Variants in GGACT observed in about 807,000 individuals in gnomAD.
GGACT encodes gamma-glutamylamine cyclotransferase.
For synonymous variants in GGACT, 118 were observed against 115.3 expected (o/e 1.02, Z -0.15); for missense variants, 241 against 233.2 (o/e 1.03, Z -0.22).
At chr13:100,572,971 T>C (rs544646573) in intron 2 of GGACT, among the ~76,000 whole-genome samples, 11 of 152,306 alleles carry the variant, frequency 7.2e-5, no homozygotes, top group African/African-American at 2.6e-4. Flanking sequence ...ATGGCATCTT[T>C]TATTAATACC....
chr13:100,532,521 G>A lies in GGACT; in HGVS notation c.71C>T (p.Ala24Val), dbSNP rs148679908. 2.6e-6 allele frequency: 4 copies of A among 1,548,180 alleles called. No individual in the cohort carries two copies. The highest frequency in any genetic ancestry group is 2.7e-5 in the African/African-American group (2 of 72,988). The change falls in exon 3 of 3, where the codon GCC (alanine) becomes GTC (valine). Residue 24 changes from alanine to valine, a missense_variant. By Grantham distance (64) the Ala-to-Val change is moderately conservative (BLOSUM62 0). Transcript: ENST00000683975. ...CGCCCGAAAGGCTGCGGAGCCGTGGGCGCCGTCCCGCAGGACCCTGTGGTT... is the reference window on the plus strand; with the variant it reads ...CGCCCGAAAGGCTGCGGAGCCGTGGACGCCGTCCCGCAGGACCCTGTGGTT... ...QPNHRVLRDG[A>V]HGSAAFRARG...
At chr13:100,578,107 G>A (rs1341774757) in intron 2 of GGACT, among the ~76,000 whole-genome samples, 2 of 152,114 alleles carry the variant, frequency 1.3e-5, no homozygotes, top group Non-Finnish European at 2.9e-5. Flanking sequence ...CATTTGATAA[G>A]GCGATACTGG....
At chr13:100,572,672 T>A (rs544145288) in intron 2 of GGACT, among the ~76,000 whole-genome samples, 14 of 152,176 alleles carry the variant, frequency 9.2e-5, no homozygotes, top group Non-Finnish European at 1.5e-4. Context: ...CCTCAAGGTA[T>A]CCTCCTGCCT....
chr13:100,549,718 T>C (rs541824423), intron 2 of GGACT, among the ~76,000 whole-genome samples: 1 of 152,258 alleles, frequency 6.6e-6, no homozygotes, highest in South Asian at 2.1e-4. Flanking sequence ...AAAAAGATGC[T>C]AACTACCTGG....
chr13:100,556,103 A>C (rs1207530510), intron 2 of GGACT, among the ~76,000 whole-genome samples: 1 of 152,232 alleles, frequency 6.6e-6, no homozygotes, highest in Non-Finnish European at 1.5e-5. Flanking sequence ...CACTCTTCCT[A>C]CTTCTAAATC....
chr13:100,553,336 A>G (rs776463047), intron 2 of GGACT, among the ~76,000 whole-genome samples: 3 of 152,192 alleles, frequency 2.0e-5, no homozygotes, highest in Non-Finnish European at 2.9e-5. Flanking sequence ...CAAGAATGGG[A>G]ATGTGCTGGT....
chr13:100,554,036 C>T (rs1005705116), intron 2 of GGACT, among the ~76,000 whole-genome samples: 4 of 152,100 alleles, frequency 2.6e-5, no homozygotes, highest in African/African-American at 9.7e-5. Flanking sequence ...ACAAAGGAAA[C>T]ACAATGAACA....
intron 2 of GGACT, among the ~76,000 whole-genome samples, chr13:100,574,691 G>A (rs1484456430): frequency 6.6e-6 from 1 of 152,122 alleles, no homozygotes; most frequent in African/African-American, 2.4e-5. Context: ...AGCAGAGAAC[G>A]GAGGGAGGCA....
intron 2 of GGACT, among the ~76,000 whole-genome samples, chr13:100,575,456 T>C (rs1359174901): frequency 6.6e-6 from 1 of 152,190 alleles, no homozygotes; most frequent in Non-Finnish European, 1.5e-5. Flanking sequence ...TTTCGACTTG[T>C]TTTCTTCTTT....
intron 2 of GGACT, among the ~76,000 whole-genome samples, chr13:100,535,498 C>A (rs1405240962): frequency 1.3e-5 from 2 of 152,182 alleles, no homozygotes. Flanking sequence ...ACTGAAGTCA[C>A]AGTAGCAGCC....
intron 2 of GGACT, among the ~76,000 whole-genome samples, chr13:100,562,225 C>T (rs1177134572): frequency 3.9e-5 from 6 of 152,000 alleles, no homozygotes; most frequent in Admixed American, 2.6e-4. Context: ...GTGTGGACCC[C>T]GACAGAAACT....
chr13:100,584,725 G>A (rs1395019268), intron 1 of GGACT, among the ~76,000 whole-genome samples: 1 of 152,120 alleles, frequency 6.6e-6, no homozygotes, highest in African/African-American at 2.4e-5. Flanking sequence ...ACCTTGTAAT[G>A]AGGGTTTATT....
chr13:100,565,928 C>T (rs928056704), intron 2 of GGACT, among the ~76,000 whole-genome samples: 1 of 152,222 alleles, frequency 6.6e-6, no homozygotes, highest in South Asian at 2.1e-4. Context: ...AAGACTGCGG[C>T]TTCTGTCCTG....
intron 2 of GGACT, among the ~76,000 whole-genome samples, chr13:100,542,379 A>G (rs1287835054): frequency 6.6e-6 from 1 of 152,204 alleles, no homozygotes; most frequent in Non-Finnish European, 1.5e-5. Context: ...CTTACTCTTA[A>G]CAGATCCAGT....
intron 2 of GGACT, among the ~76,000 whole-genome samples, chr13:100,554,720 AAAG>A: frequency 6.6e-6 from 1 of 152,318 alleles, no homozygotes; most frequent in South Asian, 2.1e-4. Flanking sequence ...ATATCAAAGA[AAAG>A]AGGGAATTGA....
rs772000242 is a variant in GGACT at position 100,545,303 on chromosome 13, C to A, written c.-10-12702G>T. Among the ~76,000 whole-genome samples the A allele has an allele frequency of 1.2e-4, 18 of 152,372 alleles. No individual in the cohort carries two copies. Among genetic ancestry groups the A allele is most frequent in the Non-Finnish European group, 2.1e-4 (14 of 68,030 alleles). On this transcript the variant is annotated intron_variant, in intron 2 of 2. Coordinates refer to ENST00000683975, the MANE Select transcript of GGACT (RefSeq NM_001195087.2). This position sits in a 1 kb window ranked among gnomAD's most constrained non-coding sequence, Gnocchi z 4.4. ...GGCCGCTTCACTCCCAGCTTCTCCC[C>A]CCTTTTGCAGATGGGGAAGCTGGGG...
intron 2 of GGACT, among the ~76,000 whole-genome samples, chr13:100,546,937 C>T (rs900068547): frequency 1.3e-5 from 2 of 152,208 alleles, no homozygotes; most frequent in African/African-American, 2.4e-5. Context: ...TGGCACGGCC[C>T]GGCGCATGCA....
Position 100,532,460 on chromosome 13 carries a change from G to C in GGACT, c.132C>G (p.Ile44Met). 3 of 1,549,710 alleles carry C rather than the reference G, an allele frequency of 1.9e-6. No homozygotes were observed. Among genetic ancestry groups the C allele is most frequent in the Non-Finnish European group, 2.6e-6 (3 of 1,146,624 alleles). Residue 44 changes from isoleucine to methionine, a missense_variant, in exon 3 of 3, where the codon ATC becomes ATG. Transcript: ENST00000683975. ...GCCACGGGATGTTGTGCTCCCCCGCGATCACCAACGGGTAGGGCTCCAGCG... is the reference window on the plus strand; with the variant it reads ...GCCACGGGATGTTGTGCTCCCCCGCCATCACCAACGGGTAGGGCTCCAGCG... ...GRTLEPYPLV[I>M]AGEHNIPWLL...
intron 1 of GGACT, among the ~76,000 whole-genome samples, chr13:100,585,588 T>C (rs1198475927): frequency 1.3e-5 from 2 of 151,994 alleles, no homozygotes; most frequent in Non-Finnish European, 2.9e-5. Flanking sequence ...GCCAACATGG[T>C]GAAACCCCGT....
Sources: gnomAD v4.1 joint callset for allele counts (sites outside exome capture counted in the v4.1 genomes callset) on GRCh38, gnomAD v4.1.1 for gene constraint, Gnocchi (gnomAD v3.1) non-coding constraint, MANE v1.5 for transcripts, NCBI Gene and HGNC (gene_info 2026-07-23, HGNC 2026-07-21) for gene names.